The following SLC22A3 variants were observed in gnomAD, a reference collection of about 807,000 sequenced individuals.
The protein encoded by SLC22A3 is EMT organic cation transporter 3.
A neutral mutation model predicts 59.1 loss-of-function variants in SLC22A3; 51 were observed. That is an observed-to-expected ratio of 0.86 (90% confidence interval 0.69 to 1.09). SLC22A3 has a LOEUF of 1.09. Ranked by LOEUF, SLC22A3 falls within the 50% of genes least tolerant of loss-of-function variation. The probability of loss-of-function intolerance (pLI) is 0.00; values close to 1 mark genes in which losing one functional copy is unlikely to be tolerated. For synonymous variants in SLC22A3, 325 were observed against 292.0 expected (o/e 1.11, Z -1.15); for missense variants, 711 against 726.3 (o/e 0.98, Z 0.24).
At chr6:160,387,875 A>T (rs1490991800) in intron 1 of SLC22A3, among the ~76,000 whole-genome samples, 1 of 152,202 alleles carries the variant, frequency 6.6e-6, no homozygotes, top group Non-Finnish European at 1.5e-5. Flanking sequence ...CCTGGATTAT[A>T]ATCTGGAAAT....
At chr6:160,376,433 T>C (rs927990975) in intron 1 of SLC22A3, among the ~76,000 whole-genome samples, 1 of 152,022 alleles carries the variant, frequency 6.6e-6, no homozygotes, top group Non-Finnish European at 1.5e-5. Context: ...AAAATATAGA[T>C]CATGGGTTGA....
intron 5 of SLC22A3, among the ~76,000 whole-genome samples, chr6:160,429,067 C>T (rs1472504854): frequency 6.6e-6 from 1 of 152,218 alleles, no homozygotes; most frequent in Non-Finnish European, 1.5e-5. Flanking sequence ...CACTGCCGAG[C>T]TTCCTCCCAG....
chr6:160,426,033 G>A, intron 5 of SLC22A3: 1 of 985,390 alleles, frequency 1.0e-6, no homozygotes, highest in Non-Finnish European at 1.2e-6. Context: ...TGAACAATGA[G>A]TTACCATGTG....
At chr6:160,399,310 T>G (rs1786659956) in intron 2 of SLC22A3, among the ~76,000 whole-genome samples, 1 of 152,226 alleles carries the variant, frequency 6.6e-6, no homozygotes, top group African/African-American at 2.4e-5. Context: ...ATGCCACTCT[T>G]TTTTTGCTGG....
intron 5 of SLC22A3, among the ~76,000 whole-genome samples, chr6:160,425,043 G>A (rs145974660): frequency 1.8e-4 from 27 of 152,220 alleles, no homozygotes; most frequent in African/African-American, 6.0e-4. Flanking sequence ...AGTTAGCAGG[G>A]GACAGGTTTT....
chr6:160,377,424 G>T (rs1785636687), intron 1 of SLC22A3, among the ~76,000 whole-genome samples: 2 of 151,878 alleles, frequency 1.3e-5, no homozygotes, highest in Admixed American at 6.6e-5. Context: ...GGTGGAGGTT[G>T]CAGTGGGCTG....
intron 1 of SLC22A3, among the ~76,000 whole-genome samples, chr6:160,377,490 A>G (rs1322506817): frequency 1.3e-5 from 2 of 152,096 alleles, no homozygotes; most frequent in African/African-American, 4.8e-5. Flanking sequence ...AAAAAAAAAA[A>G]AAGAAAGAAA....
chr6:160,351,355 TC>T (rs1414778840), intron 1 of SLC22A3, among the ~76,000 whole-genome samples: 1 of 152,220 alleles, frequency 6.6e-6, no homozygotes, highest in African/African-American at 2.4e-5. Context: ...GACCTCGTGA[TC>T]CGCCCGCCTT....
intron 1 of SLC22A3, among the ~76,000 whole-genome samples, chr6:160,361,691 G>C (rs1229905380): frequency 6.6e-6 from 1 of 152,192 alleles, no homozygotes; most frequent in African/African-American, 2.4e-5. Flanking sequence ...AGAATCTGGA[G>C]CTGCAGGATA....
Position 160,349,547 on chromosome 6 carries a change from C to T in SLC22A3, c.429+699C>T, listed in dbSNP as rs369890518. 2.0e-4 allele frequency among the ~76,000 whole-genome samples: 30 copies of T among 152,278 alleles called. No individual in the cohort carries two copies. The South Asian group carries it at 4.6e-3, about 23-fold the overall frequency. On this transcript the variant is annotated intron_variant, in intron 1 of 10. Transcript: ENST00000275300. ...GCCACAGCCTTCCAACGCAAATCCC[C>T]AACCCATTTACAGGCGGAGGCTGCT...
At chr6:160,408,945 A>G (rs752631263) in intron 4 of SLC22A3, 24 bp downstream of exon 4, 2 of 1,603,352 alleles carry the variant, frequency 1.2e-6, no homozygotes, top group South Asian at 1.1e-5. Flanking sequence ...GGTTATCATC[A>G]TATTTATACT....
chr6:160,378,689 T>C (rs541566505), intron 1 of SLC22A3, among the ~76,000 whole-genome samples: 3 of 152,338 alleles, frequency 2.0e-5, no homozygotes, highest in African/African-American at 7.2e-5. Flanking sequence ...GCATTTAATA[T>C]ACCTAATCTA....
Position 160,447,720 on chromosome 6 carries a change from T to C in SLC22A3, c.1512T>C (p.Gly504=), listed in dbSNP as rs1788797978. 1 of 1,613,750 alleles carries C rather than the reference T, an allele frequency of 6.2e-7. No homozygotes were observed. The highest frequency in any genetic ancestry group is 2.2e-5 in the East Asian group (1 of 44,870). Residue 504 remains glycine (G), a splice_region_variant and synonymous_variant, in exon 10 of 11, where the codon GGT becomes GGC. Transcript: ENST00000275300. Reference sequence around the variant, plus strand: ...TAACACCTTTCCCCTATTCCATAGGTATCCTGGCATCCATCTGTGGTGGCC... The same window carrying C: ...TAACACCTTTCCCCTATTCCATAGGCATCCTGGCATCCATCTGTGGTGGCC... ...VWLELPLIIF[G]ILASICGGLV...
chr6:160,376,331 G>A (rs1240998711), intron 1 of SLC22A3, among the ~76,000 whole-genome samples: 14 of 151,972 alleles, frequency 9.2e-5, no homozygotes, highest in African/African-American at 2.4e-4. Context: ...AACACACACC[G>A]GGGCCTGGTT....
chr6:160,412,142 A>T (rs985688887), intron 5 of SLC22A3, among the ~76,000 whole-genome samples: 1 of 152,084 alleles, frequency 6.6e-6, no homozygotes, highest in Non-Finnish European at 1.5e-5. Flanking sequence ...CAGGTGGATC[A>T]CCTGAGGTCA....
intron 2 of SLC22A3, 64 bp from the exon 3 acceptor site, chr6:160,406,977 A>T: frequency 1.3e-6 from 2 of 1,557,868 alleles, no homozygotes; most frequent in Non-Finnish European, 1.8e-6. Flanking sequence ...ATTTTATGTT[A>T]TATTTTCCCA....
chr6:160,377,172 T>A (rs1785626397), intron 1 of SLC22A3, among the ~76,000 whole-genome samples: 1 of 152,096 alleles, frequency 6.6e-6, no homozygotes, highest in Non-Finnish European at 1.5e-5. Context: ...GTCAAATAAT[T>A]ATAAACTCTC....
chr6:160,354,737 T>C (rs1784772974), intron 1 of SLC22A3, among the ~76,000 whole-genome samples: 1 of 152,228 alleles, frequency 6.6e-6, no homozygotes, highest in African/African-American at 2.4e-5. Context: ...CGAACTGTGC[T>C]GCTGTATTCC....
rs1477681153 is a variant in SLC22A3 at position 160,383,603 on chromosome 6, CAATCAAT to C, written c.430-14374_430-14368del. ...TTTTTAACTACATAAAAATAAAACA[CAATCAAT>C]ACAAAAAGAAATGGATAAAACGCAA... is the stretch of plus-strand genomic sequence containing the variant. On this transcript the variant is annotated intron_variant, in intron 1 of 10. Coordinates refer to ENST00000275300, the MANE Select transcript of SLC22A3 (RefSeq NM_021977.4). Among the ~76,000 whole-genome samples the C allele has an allele frequency of 2.6e-5, 4 of 151,868 alleles. 1 individual carries two copies. In the South Asian group the frequency reaches 8.3e-4, roughly 32 times the overall value.
Sources: allele counts gnomAD v4.1 joint callset (sites outside exome capture counted in the v4.1 genomes callset), GRCh38; gene constraint gnomAD v4.1.1; transcripts MANE v1.5; gene names NCBI Gene and HGNC (gene_info 2026-07-23, HGNC 2026-07-21).